The following LRRC23 variants were observed in gnomAD, a reference collection of about 807,000 sequenced individuals.
LRRC23 encodes the protein leucine-rich repeat-containing protein 23.
LRRC23 carries 28 observed loss-of-function variants against 37.7 expected under a neutral mutation model. The observed-to-expected ratio is 0.74, with a 90% CI of 0.55 to 1.02. The LOEUF is 1.02. Among genes scored for constraint, LRRC23 ranks in the 50% least tolerant of loss-of-function variants. LRRC23 has a pLI of 0.00. For synonymous variants in LRRC23, 161 were observed against 165.4 expected (o/e 0.97, Z 0.20); for missense variants, 377 against 413.2 (o/e 0.91, Z 0.76).
At position 6,909,940 on chromosome 12, in the gene LRRC23, C is replaced by G; in HGVS notation, c.672C>G (p.Leu224=). The G allele has an allele frequency of 6.2e-7, 1 of 1,613,926 alleles. No individual in the cohort carries two copies. The highest frequency in any genetic ancestry group is 8.5e-7 in the Non-Finnish European group (1 of 1,179,918). ...AAGGCTTGGAGGATCTGAGCAATCT[C>G]ACCACCTTGCATCTTCGAGACAACC... The part of the protein sequence containing the change: ...KVEGLEDLSN[L]TTLHLRDNQI... Residue 224 remains leucine (L), a synonymous_variant, in exon 6 of 8, where the codon CTC becomes CTG. Coordinates refer to ENST00000443597, the MANE Select transcript of LRRC23 (RefSeq NM_001135217.2).
rs1215178875 is a variant in LRRC23 at position 6,904,918 on chromosome 12, A to T, written c.-207A>T. On this transcript the variant is annotated 5_prime_UTR_variant, in exon 1 of 8. Transcript: ENST00000443597. ...TTGCGCATCAGGTAGTCGCCGCTCT[A>T]CTCTCAACGGTGGCGAGCTGCAGTT... 6.6e-6 allele frequency: 1 copy of T among 152,112 alleles called. No homozygotes were observed. The highest frequency in any genetic ancestry group is 1.5e-5 in the Non-Finnish European group (1 of 68,066). 9.4% of individuals were successfully genotyped at this position (152,112 alleles called of 1,614,324 possible).
chr12:6,905,376 C>T, intron 1 of LRRC23: 1 of 367,012 alleles, frequency 2.7e-6, no homozygotes, highest in Non-Finnish European at 5.2e-6. Flanking sequence ...CAGGAAAGGC[C>T]TGGGGGTGTG....
Position 6,905,744 on chromosome 12 carries a change from A to C in LRRC23, c.111A>C (p.Glu37Asp). Residue 37 changes from glutamate to aspartate, a missense_variant, in exon 2 of 8, where the codon GAA becomes GAC. By Grantham distance (45) the Glu-to-Asp change is conservative. This residue lies in a region of LRRC23 where 106 missense variants were observed against 105.9 expected (regional missense o/e 1.00). Transcript: ENST00000443597. Reference sequence around the variant, plus strand: ...GGGAGGACTACAGAAAAGAGGGGGAAGAGTTCCCTGAGGAAGTGAGAGCCT... The same window carrying C: ...GGGAGGACTACAGAAAAGAGGGGGACGAGTTCCCTGAGGAAGTGAGAGCCT... ...EEGEDYRKEGEEFPEEWLPTP... is the reference protein window; with the variant it reads ...EEGEDYRKEGDEFPEEWLPTP... 6.2e-7 allele frequency: 1 copy of C among 1,609,850 alleles called. No individual in the cohort carries two copies. The highest frequency in any genetic ancestry group is 8.5e-7 in the Non-Finnish European group (1 of 1,177,994).
At chr12:6,911,107 TA>T (rs1196580522) in intron 6 of LRRC23, among the ~76,000 whole-genome samples, 1 of 152,072 alleles carries the variant, frequency 6.6e-6, no homozygotes, top group African/African-American at 2.4e-5. Context: ...TTTTACTGAT[TA>T]AAAAAACACA....
rs189644825 is a variant in LRRC23, at chr12:6,907,435, A to T, written c.611A>T (p.Asn204Ile). ...TLGINLPKLKNLYLAQNMLKK... is the reference protein window; with the variant it reads ...TLGINLPKLKILYLAQNMLKK... ...GGAATCAATCTTCCTAAGCTGAAGA[A>T]CCTCTACCTGGTAGCTCACTGGGTC... The change falls in exon 5 of 8, where the codon AAC (asparagine) becomes ATC (isoleucine). Residue 204 changes from asparagine (N) to isoleucine (I), a missense_variant. Asn to Ile is a moderately radical substitution (Grantham distance 149, BLOSUM62 -3). Transcript: ENST00000443597. The T allele has an allele frequency of 6.2e-7, 1 of 1,613,926 alleles. No homozygotes were observed. The highest frequency in any genetic ancestry group is 2.2e-5 in the East Asian group (1 of 44,866).
At chr12:6,913,071 G>T (rs1945206731) in intron 7 of LRRC23, 44 bp downstream of exon 7, 2 of 1,579,854 alleles carry the variant, frequency 1.3e-6, no homozygotes, top group Middle Eastern at 1.8e-4. Context: ...GCCAAGGGCT[G>T]GGCAGGTAGG....
rs782692868 is a variant in LRRC23, at chr12:6,914,020, C to G, written c.*154C>G. On this transcript the variant is annotated 3_prime_UTR_variant, in exon 8 of 8. Transcript: ENST00000443597. The surrounding 1 kb of genome is among the most constrained non-coding windows in gnomAD (Gnocchi z 7.1). ...TTCATCACAACCTGAGGCCCAGGAT[C>G]TGCTCTGTGCCGGTCCTCTGGGCAG... 1 of 1,613,002 alleles carries G rather than the reference C, an allele frequency of 6.2e-7. No individual in the cohort carries two copies. Among genetic ancestry groups the G allele is most frequent in the African/African-American group, 1.3e-5 (1 of 74,862 alleles).
intron 7 of LRRC23, chr12:6,913,251 A>C: frequency 2.0e-6 from 1 of 495,476 alleles, no homozygotes; most frequent in Non-Finnish European, 3.6e-6. Flanking sequence ...AGTGAAAAGA[A>C]TTGGGGTGGC....
At chr12:6,908,196 C>T (rs1555139954) in intron 5 of LRRC23, among the ~76,000 whole-genome samples, 4 of 152,088 alleles carry the variant, frequency 2.6e-5, no homozygotes, top group Admixed American at 2.6e-4. Context: ...GTTCAGCTAC[C>T]CAGAAGCTCT....
rs782368023 is a variant in LRRC23, at chr12:6,913,070, T to C, written c.*24+43T>C. Reference sequence around the variant, plus strand: ...GAGGCAGTGGGAGGAGGCCAAGGGCTGGGCAGGTAGGGGAAGAGGCAAGAG... The same window carrying C: ...GAGGCAGTGGGAGGAGGCCAAGGGCCGGGCAGGTAGGGGAAGAGGCAAGAG... On this transcript the variant is annotated intron_variant, in intron 7 of 7. Transcript: ENST00000443597. The C allele has an allele frequency of 5.8e-5, 92 of 1,586,040 alleles. 1 individual carries two copies. In the Middle Eastern group the frequency reaches 7.2e-4, roughly 12 times the overall value.
chr12:6,911,528 G>A (rs1445744658), intron 6 of LRRC23, among the ~76,000 whole-genome samples: 2 of 151,890 alleles, frequency 1.3e-5, no homozygotes, highest in African/African-American at 4.8e-5. Context: ...GGGGGTGAGG[G>A]TGTCTCAATG....
intron 7 of LRRC23, 37 bp from the exon 8 acceptor site, chr12:6,913,854 C>T (rs1205918228): frequency 7.4e-6 from 11 of 1,490,262 alleles, no homozygotes; most frequent in Non-Finnish European, 9.0e-6. Context: ...TGAGCCACAG[C>T]GCCTGGTCCC....
At chr12:6,909,055 T>TA (rs1945031562) in intron 5 of LRRC23, among the ~76,000 whole-genome samples, 2 of 84,012 alleles carry the variant, frequency 2.4e-5, no homozygotes, top group Non-Finnish European at 4.3e-5. Context: ...TAATTATATA[T>TA]TATATATAAA....
chr12:6,908,596 CAAAA>C (rs61662814), intron 5 of LRRC23, among the ~76,000 whole-genome samples: 2 of 31,072 alleles, frequency 6.4e-5, no homozygotes, highest in African/African-American at 2.0e-4. Flanking sequence ...GACTCCATCT[CAAAA>C]AAAAAAAAAA....
Position 6,906,666 on chromosome 12 carries a change from G to T in LRRC23, c.490+4G>T, listed in dbSNP as rs1555139680. On this transcript the variant is annotated splice_donor_region_variant and intron_variant, in intron 4 of 7. Transcript: ENST00000443597. ...CTTGAAACCCTGAATCTCAAAGGTG[G>T]GTCTTTAGGATGGGCTACACAAGAT... 2 of 1,613,630 alleles carry T rather than the reference G, an allele frequency of 1.2e-6. No individual in the cohort carries two copies. Among genetic ancestry groups the T allele is most frequent in the Non-Finnish European group, 1.7e-6 (2 of 1,179,730 alleles).
intron 5 of LRRC23, among the ~76,000 whole-genome samples, chr12:6,909,189 T>TAA (rs1945062564): frequency 4.2e-5 from 1 of 23,548 alleles, no homozygotes; most frequent in Admixed American, 8.2e-4. Context: ...TAATTATATA[T>TAA]TATATATAAT....
chr12:6,909,481 AT>A (rs1555140421), intron 5 of LRRC23, among the ~76,000 whole-genome samples: 2 of 70,576 alleles, frequency 2.8e-5, no homozygotes, highest in Admixed American at 2.3e-4. Flanking sequence ...TATTTTATAT[AT>A]TATATAATAT....
intron 6 of LRRC23, among the ~76,000 whole-genome samples, chr12:6,910,909 G>A (rs1340742872): frequency 6.6e-6 from 1 of 152,054 alleles, no homozygotes; most frequent in South Asian, 2.1e-4. Flanking sequence ...AGAGTGAGCT[G>A]TCTCTAAAAG....
chr12:6,906,874 C>G (rs1944962631), intron 4 of LRRC23: 1 of 583,360 alleles, frequency 1.7e-6, no homozygotes, highest in African/African-American at 1.9e-5. Flanking sequence ...AGCTTATATT[C>G]TAATTGGGAG....
Sources: allele counts gnomAD v4.1 joint callset (sites outside exome capture counted in the v4.1 genomes callset), GRCh38; gene constraint gnomAD v4.1.1; regional missense constraint gnomAD v4.1.1; non-coding constraint Gnocchi (gnomAD v3.1); transcripts MANE v1.5; gene names NCBI Gene and HGNC (gene_info 2026-07-23, HGNC 2026-07-21).